HP1BP3: variants seen among roughly 807,000 people sequenced by gnomAD.
The protein encoded by HP1BP3 is heterochromatin protein 1 binding protein 3.
A neutral mutation model predicts 62.5 loss-of-function variants in HP1BP3; 12 were observed. That is an observed-to-expected ratio of 0.19 (90% confidence interval 0.12 to 0.31). The LOEUF (loss-of-function observed/expected upper bound fraction) is 0.31. HP1BP3 is among the 10% of genes least tolerant of loss of function. The pLI, the probability that HP1BP3 is intolerant of heterozygous loss-of-function variation, is 1.00. For synonymous variants in HP1BP3, 260 were observed against 237.8 expected (o/e 1.09, Z -0.86); for missense variants, 502 against 651.8 (o/e 0.77, Z 2.50).
intron 11 of HP1BP3, among the ~76,000 whole-genome samples, chr1:20,746,186 A>ATATATG (rs1286650893): frequency 7.0e-6 from 1 of 143,148 alleles, no homozygotes; most frequent in African/African-American, 2.7e-5. Flanking sequence ...ACATACATAT[A>ATATATG]TGTGTGTGTG....
chr1:20,741,445 G>A lies in HP1BP3; in HGVS notation c.*3352C>T, dbSNP rs1001360931. Among the ~76,000 whole-genome samples the A allele has an allele frequency of 6.6e-6, 1 of 152,202 alleles. No individual in the cohort carries two copies. Among genetic ancestry groups the A allele is most frequent in the Non-Finnish European group, 1.5e-5 (1 of 68,034 alleles). On this transcript the variant is annotated 3_prime_UTR_variant, in exon 13 of 13. Coordinates refer to ENST00000438032, the MANE Select transcript of HP1BP3 (RefSeq NM_001372052.1). ...AAACAAATGTCAAAAGGTGTTAGCA[G>A]ATTGTTTAGTTTTGTTTTCATGTCA...
intron 3 of HP1BP3, among the ~76,000 whole-genome samples, chr1:20,778,046 G>T (rs1370394405): frequency 6.6e-6 from 1 of 152,198 alleles, no homozygotes; most frequent in African/African-American, 2.4e-5. Flanking sequence ...CTAAATGGCT[G>T]CATGGGCAAG....
At chr1:20,762,514 C>G (rs563112747) in intron 8 of HP1BP3, among the ~76,000 whole-genome samples, 1 of 152,118 alleles carries the variant, frequency 6.6e-6, no homozygotes, top group Non-Finnish European at 1.5e-5. Flanking sequence ...ACCCTAATCA[C>G]GAATCCCCTA....
intron 8 of HP1BP3, among the ~76,000 whole-genome samples, chr1:20,759,127 G>A (rs1020612071): frequency 2.0e-5 from 3 of 152,180 alleles, no homozygotes; most frequent in African/African-American, 4.8e-5. Flanking sequence ...GTGGCCGGGC[G>A]AGGTGGCTCA....
At chr1:20,767,710 G>T in intron 6 of HP1BP3, 46 bp from the exon 7 acceptor site, 1 of 1,240,778 alleles carries the variant, frequency 8.1e-7, no homozygotes, top group Non-Finnish European at 1.2e-6. Context: ...TAACTTTACA[G>T]TAGGCTAAGG....
intron 1 of HP1BP3, among the ~76,000 whole-genome samples, chr1:20,784,986 C>G (rs1366599046): frequency 6.6e-6 from 1 of 152,026 alleles, no homozygotes; most frequent in Non-Finnish European, 1.5e-5. Flanking sequence ...AGTGGCATGA[C>G]CAGGGATCAC....
intron 7 of HP1BP3, among the ~76,000 whole-genome samples, chr1:20,765,964 C>CAAAAAAAAAAA (rs34214380): frequency 2.9e-5 from 2 of 69,652 alleles, no homozygotes; most frequent in Non-Finnish European, 2.8e-5. Context: ...GACTCCGTCT[C>CAAAAAAAAAAA]AAAAAAAAAA....
chr1:20,783,003 T>C (rs2057642718), intron 1 of HP1BP3, among the ~76,000 whole-genome samples: 2 of 141,306 alleles, frequency 1.4e-5, no homozygotes, highest in African/African-American at 2.6e-5. Context: ...TCCCAGCTAC[T>C]TGGAAGACTG....
intron 9 of HP1BP3, among the ~76,000 whole-genome samples, chr1:20,752,720 G>GT (rs1283016059): frequency 1.3e-5 from 2 of 151,896 alleles, no homozygotes; most frequent in Non-Finnish European, 2.9e-5. Context: ...TGTACTTATG[G>GT]TTTAAAAAAA....
Position 20,742,880 on chromosome 1 carries a change from C to CA in HP1BP3, c.*1916dup, listed in dbSNP as rs1291140427. ...ATACTTTAGGCTACAGAAGGGATCC[C>CA]AGGAGACAAAAGTGGAATGAATAAG... is the stretch of plus-strand genomic sequence containing the variant. On this transcript the variant is annotated 3_prime_UTR_variant, in exon 13 of 13. Transcript: ENST00000438032. 1.3e-5 allele frequency: 2 copies of CA among 152,546 alleles called. No individual in the cohort carries two copies. Among genetic ancestry groups the CA allele is most frequent in the African/African-American group, 4.8e-5 (2 of 41,404 alleles). 9.4% of individuals were successfully genotyped at this position (152,546 alleles called of 1,614,324 possible). A position where few individuals can be genotyped will look rare whatever the true frequency, so the allele number is the denominator to read the frequency against.
chr1:20,744,984 C>G lies in HP1BP3; in HGVS notation c.1475G>C (p.Arg492Thr). 1 of 1,614,172 alleles carries G rather than the reference C, an allele frequency of 6.2e-7. No homozygotes were observed. The highest frequency in any genetic ancestry group is 2.2e-5 in the East Asian group (1 of 44,872). Reference sequence around the variant, plus strand: ...AGGAGGTGCTTTCTTAGGCAAGGGCCTAGCTTTCCCCCGCTGGGCAGCTGA... The same window carrying G: ...AGGAGGTGCTTTCTTAGGCAAGGGCGTAGCTTTCCCCCGCTGGGCAGCTGA... ...KVSAAQRGKARPLPKKAPPKA... is the reference protein window; with the variant it reads ...KVSAAQRGKATPLPKKAPPKA... The change falls in exon 13 of 13, where the codon AGG becomes ACG. Residue 492 changes from arginine (R) to threonine (T), a missense_variant. Transcript: ENST00000438032.
chr1:20,752,527 T>C (rs2055834723), intron 9 of HP1BP3, among the ~76,000 whole-genome samples: 1 of 151,986 alleles, frequency 6.6e-6, no homozygotes, highest in South Asian at 2.1e-4. Context: ...CCTGACCAGG[T>C]AAACCACCCG....
Position 20,745,558 on chromosome 1 carries a change from G to A in HP1BP3, c.1352C>T (p.Pro451Leu), listed in dbSNP as rs771916157. 1.9e-5 allele frequency: 31 copies of A among 1,613,942 alleles called. No individual in the cohort carries two copies. The highest frequency in any genetic ancestry group is 1.1e-4 in the South Asian group (10 of 91,074). ...SSEEDSEDEE[P>L]PPKRRLQKKT... is the part of the protein sequence containing the mutation. The stretch of plus-strand genomic sequence containing the variant: ...ATGTCCACACCTTCTCTTAGGTGGC[G>A]GCTCTTCATCCTCAGAGTCTTCTTC... Residue 451 changes from proline to leucine, a missense_variant, in exon 12 of 13, where the codon CCG becomes CTG. Physicochemically the swap from Pro to Leu is moderately conservative, Grantham distance 98 (BLOSUM62 -3). Around this residue, in one of 5 missense-constraint regions of HP1BP3, gnomAD observed 194 missense variants for 207.0 expected, o/e 0.94. Coordinates refer to ENST00000438032, the MANE Select transcript of HP1BP3 (RefSeq NM_001372052.1).
At chr1:20,747,699 A>G (rs2055428629) in intron 10 of HP1BP3, 44 bp from the exon 11 acceptor site, 3 of 1,217,402 alleles carry the variant, frequency 2.5e-6, no homozygotes, top group Non-Finnish European at 3.6e-6. Context: ...AGTTATTCAG[A>G]TTAGATAATT....
At chr1:20,775,446 C>A (rs1315499745) in intron 4 of HP1BP3, 1 of 152,064 alleles carries the variant, frequency 6.6e-6, no homozygotes, top group Non-Finnish European at 1.5e-5. Flanking sequence ...CCATTGCGTC[C>A]GGCTTGTGTC....
intron 8 of HP1BP3, among the ~76,000 whole-genome samples, chr1:20,758,352 C>CA (rs1553160316): frequency 3.4e-5 from 5 of 146,668 alleles, no homozygotes; most frequent in African/African-American, 1.2e-4. Context: ...TTAAACACTC[C>CA]TTTTTTTTTT....
chr1:20,756,330 T>C (rs36051242), intron 9 of HP1BP3, among the ~76,000 whole-genome samples: 24 of 152,102 alleles, frequency 1.6e-4, no homozygotes, highest in Admixed American at 1.4e-3. Context: ...CTGGAACAGA[T>C]ACTAGCTGTC....
At chr1:20,772,847 A>C (rs934552450) in intron 5 of HP1BP3, among the ~76,000 whole-genome samples, 1 of 152,250 alleles carries the variant, frequency 6.6e-6, no homozygotes, top group Non-Finnish European at 1.5e-5. Flanking sequence ...AAATAGGAAA[A>C]CTACATCTAA....
intron 9 of HP1BP3, among the ~76,000 whole-genome samples, chr1:20,755,814 A>C (rs1192631502): frequency 6.6e-6 from 1 of 152,238 alleles, no homozygotes; most frequent in Non-Finnish European, 1.5e-5. Context: ...GACAATAAAA[A>C]AGAATGAAAG....
Sources: gnomAD v4.1 joint callset for allele counts (sites outside exome capture counted in the v4.1 genomes callset) on GRCh38, gnomAD v4.1.1 for gene constraint, gnomAD v4.1.1 regional missense constraint, MANE v1.5 for transcripts, NCBI Gene and HGNC (gene_info 2026-07-23, HGNC 2026-07-21) for gene names.